ANK1: variants seen among roughly 807,000 people sequenced by gnomAD.
ANK1 encodes the protein ankyrin-1.
In ANK1, 51 loss-of-function variants were observed where a neutral mutation model predicts 210.4. The ratio of observed to expected loss-of-function variants is 0.24; its 90% CI spans 0.19 to 0.31. The LOEUF is 0.31. ANK1 is among the 10% of genes least tolerant of loss of function. The probability of loss-of-function intolerance (pLI) is 1.00; values close to 1 mark genes in which losing one functional copy is unlikely to be tolerated. For missense variants in ANK1, 2,051 were observed against 2,504.4 expected (o/e 0.82, Z 3.86); for synonymous variants, 967 against 1,025.9 (o/e 0.94, Z 1.10).
At chr8:41,681,424 C>A (rs1815981722) in intron 37 of ANK1, among the ~76,000 whole-genome samples, 1 of 152,262 alleles carries the variant, frequency 6.6e-6, no homozygotes, top group Non-Finnish European at 1.5e-5. Context: ...AGCACGCTGG[C>A]CTTTTGGCCT....
chr8:41,783,939 C>T (rs935634031), intron 1 of ANK1, among the ~76,000 whole-genome samples: 1 of 151,926 alleles, frequency 6.6e-6, no homozygotes, highest in African/African-American at 2.4e-5. Context: ...TGGCATGCAC[C>T]TATAGTCCCA....
chr8:41,684,593 G>A lies in ANK1; in HGVS notation c.4488C>T (p.Asp1496=). 1 of 1,613,868 alleles carries A rather than the reference G, an allele frequency of 6.2e-7. No homozygotes were observed. Among genetic ancestry groups the A allele is most frequent in the Non-Finnish European group, 8.5e-7 (1 of 1,180,042 alleles). The change falls in exon 37 of 43, where the codon GAC becomes GAT. Residue 1496 remains aspartate (D), a synonymous_variant. Coordinates refer to ENST00000289734, the MANE Select transcript of ANK1 (RefSeq NM_000037.4). Reference sequence around the variant, plus strand: ...AGTAGTCGCGGTCGGTGTGCCGCCTGTCTGGCTTCAAGTTGCGGCTCTGTC... The same window carrying A: ...AGTAGTCGCGGTCGGTGTGCCGCCTATCTGGCTTCAAGTTGCGGCTCTGTC... ...SGRQSRNLKP[D]RRHTDRDYSL...
At chr8:41,763,869 C>CTTTATTTT (rs1563702884) in intron 1 of ANK1, among the ~76,000 whole-genome samples, 1 of 91,446 alleles carries the variant, frequency 1.1e-5, no homozygotes, top group Non-Finnish European at 2.2e-5. Flanking sequence ...TTTCTTTCTT[C>CTTTATTTT]TTTCTTTTTT....
intron 2 of ANK1, among the ~76,000 whole-genome samples, chr8:41,755,604 TG>T (rs1387497866): frequency 6.6e-6 from 1 of 152,100 alleles, no homozygotes; most frequent in Admixed American, 6.6e-5. Context: ...ACCCTGCCTA[TG>T]GGGGGCTGGG....
At chr8:41,710,445 T>A (rs1180207513) in intron 16 of ANK1, among the ~76,000 whole-genome samples, 1 of 152,226 alleles carries the variant, frequency 6.6e-6, no homozygotes, top group Non-Finnish European at 1.5e-5. Context: ...CAAACTCTGA[T>A]GTGTACACAA....
intron 29 of ANK1, among the ~76,000 whole-genome samples, chr8:41,693,417 CTTTTTTTTTTTTTTTT>C (rs71239074): frequency 6.6e-5 from 3 of 45,232 alleles, no homozygotes; most frequent in African/African-American, 3.0e-4. Context: ...GGGGCATGGA[CTTTTTTTTTTTTTTTT>C]TTTTTTTTTT....
chr8:41,882,795 C>T (rs1817810186), intron 1 of ANK1, among the ~76,000 whole-genome samples: 1 of 152,242 alleles, frequency 6.6e-6, no homozygotes, highest in African/African-American at 2.4e-5. Context: ...GCTTAGCCCC[C>T]TCTCCCTCTG....
At chr8:41,711,223 C>T (rs1363897058) in intron 16 of ANK1, among the ~76,000 whole-genome samples, 3 of 152,186 alleles carry the variant, frequency 2.0e-5, no homozygotes, top group Non-Finnish European at 2.9e-5. Context: ...CGATTAGACA[C>T]GGAGCACCAG....
chr8:41,750,231 T>C (rs1050297303), intron 2 of ANK1, among the ~76,000 whole-genome samples: 2 of 152,216 alleles, frequency 1.3e-5, no homozygotes, highest in Non-Finnish European at 2.9e-5. Flanking sequence ...CATTAGGGCT[T>C]CCTAATGCAC....
Position 41,694,772 on chromosome 8 carries a change from C to G in ANK1, c.3147G>C (p.Lys1049Asn). 1 of 1,614,196 alleles carries G rather than the reference C, an allele frequency of 6.2e-7. No individual in the cohort carries two copies. The highest frequency in any genetic ancestry group is 8.5e-7 in the Non-Finnish European group (1 of 1,180,018). ...CGGTGGTGATGATTCGGCACACCCT[C>G]TTCTTCTCTAGCTCCTCCAGGCTCC... ...ELGSLEELEK[K>N]RVCRIITTDF... The change falls in exon 28 of 43, where the codon AAG (lysine) becomes AAC (asparagine). Residue 1049 changes from lysine (K) to asparagine (N), a missense_variant. Lys to Asn is a moderately conservative substitution (Grantham distance 94). Coordinates refer to ENST00000289734, the MANE Select transcript of ANK1 (RefSeq NM_000037.4). This position sits in a 1 kb window ranked among gnomAD's most constrained non-coding sequence, Gnocchi z 5.7.
At chr8:41,717,139 G>T in intron 12 of ANK1, 88 bp from the exon 13 acceptor site, 1 of 1,452,310 alleles carries the variant, frequency 6.9e-7, no homozygotes, top group Non-Finnish European at 9.6e-7. Context: ...GTCTGGAGTG[G>T]CTTGGTGGGT....
At position 41,688,269 on chromosome 8, in the gene ANK1, A is replaced by G. The variant is rs200266855; in HGVS notation, c.4184-39T>C. 3.1e-6 allele frequency: 5 copies of G among 1,606,518 alleles called. No homozygotes were observed. The African/African-American group carries it at 6.7e-5, about 21-fold the overall frequency. ...TTAGATTTCATTTAGTAGCCAGGGC[A>G]GGACACAGTTGACAGGCCTGAGGAC... On this transcript the variant is annotated intron_variant, in intron 34 of 42. Coordinates refer to ENST00000289734, the MANE Select transcript of ANK1 (RefSeq NM_000037.4).
At chr8:41,700,549 T>G in intron 22 of ANK1, 1 of 1,294,162 alleles carries the variant, frequency 7.7e-7, no homozygotes, top group Non-Finnish European at 1.1e-6. Flanking sequence ...CCAGAAGCTC[T>G]GCTTCTCTAG....
chr8:41,870,940 C>T (rs2150824888), intron 1 of ANK1, among the ~76,000 whole-genome samples: 1 of 152,286 alleles, frequency 6.6e-6, no homozygotes, highest in Non-Finnish European at 1.5e-5. Context: ...CTCGAATGGG[C>T]ACGGGGACTG....
rs1420588788 is a variant in ANK1 at position 41,704,345 on chromosome 8, C to A, written c.2196+29G>T. 2.5e-6 allele frequency: 4 copies of A among 1,597,738 alleles called. No individual in the cohort carries two copies. Among genetic ancestry groups the A allele is most frequent in the Admixed American group, 3.3e-5 (2 of 59,994 alleles). ...GATGTGGCATGGAGAAGGGTCAGTG[C>A]AGGAGTCGGGGCTGGGGCACCCCTG... On this transcript the variant is annotated intron_variant, in intron 19 of 42. Coordinates refer to ENST00000289734, the MANE Select transcript of ANK1 (RefSeq NM_000037.4). This position sits in a 1 kb window ranked among gnomAD's most constrained non-coding sequence, Gnocchi z 4.1.
chr8:41,781,260 T>G (rs1175696045), intron 1 of ANK1, among the ~76,000 whole-genome samples: 1 of 152,104 alleles, frequency 6.6e-6, no homozygotes, highest in African/African-American at 2.4e-5. Flanking sequence ...CACCTCAATC[T>G]CCTGGCCCTC....
intron 2 of ANK1, among the ~76,000 whole-genome samples, chr8:41,736,783 C>A (rs150629625): frequency 6.6e-6 from 1 of 152,274 alleles, no homozygotes; most frequent in Non-Finnish European, 1.5e-5. Context: ...GATTTCAATC[C>A]GGAGGGATTC....
intron 1 of ANK1, among the ~76,000 whole-genome samples, chr8:41,785,543 C>G (rs1258138799): frequency 6.6e-6 from 1 of 152,118 alleles, no homozygotes; most frequent in Non-Finnish European, 1.5e-5. Flanking sequence ...AGTGACCTCA[C>G]GGGATAACTA....
intron 1 of ANK1, among the ~76,000 whole-genome samples, chr8:41,843,319 C>T (rs563883156): frequency 2.6e-4 from 39 of 152,288 alleles, no homozygotes; most frequent in African/African-American, 8.7e-4. Flanking sequence ...AGTATAGTCA[C>T]CCTGCTCTGC....
Sources: gnomAD v4.1 joint callset for allele counts (sites outside exome capture counted in the v4.1 genomes callset) on GRCh38, gnomAD v4.1.1 for gene constraint, Gnocchi (gnomAD v3.1) non-coding constraint, MANE v1.5 for transcripts, NCBI Gene and HGNC (gene_info 2026-07-23, HGNC 2026-07-21) for gene names.